MYH15: variants seen among roughly 807,000 people sequenced by gnomAD.
The protein encoded by MYH15 is myosin-15.
Under a neutral mutation model 240.5 loss-of-function variants are expected in MYH15, and 227 were observed. That is an observed-to-expected ratio of 0.94 (90% CI 0.85 to 1.05). MYH15 has a LOEUF of 1.05. MYH15 is among the 50% of genes least tolerant of loss of function. The probability of loss-of-function intolerance (pLI) is 0.00; values close to 1 mark genes in which losing one functional copy is unlikely to be tolerated. For synonymous variants in MYH15, 785 were observed against 796.7 expected, an observed-to-expected ratio of 0.99 and a Z score of 0.25; for missense variants, 2,217 against 2,247.5, an observed-to-expected ratio of 0.99 and a Z score of 0.27.
At chr3:108,492,872 C>T (rs527549880) in intron 8 of MYH15, among the ~76,000 whole-genome samples, 169 of 152,014 alleles carry the variant, frequency 1.1e-3, no homozygotes, top group Middle Eastern at 0.01. Context: ...ATTGCTTGAT[C>T]CCAGGAATTC....
intron 27 of MYH15, among the ~76,000 whole-genome samples, chr3:108,427,949 C>A (rs1217627976): frequency 1.3e-5 from 2 of 152,174 alleles, no homozygotes. Context: ...TCATAGTAAC[C>A]ATTTGACATG....
At chr3:108,547,626 AAAGT>A in the MYH15 span, among the ~76,000 whole-genome samples, 2 of 152,198 alleles carry the variant, frequency 1.3e-5, no homozygotes, top group African/African-American at 4.8e-5. Flanking sequence ...ATATGCAAAA[AAAGT>A]AAATGCTGTA....
intron 14 of MYH15, 98 bp downstream of exon 14, chr3:108,469,944 C>T (rs1042120690): frequency 9.9e-6 from 12 of 1,214,228 alleles, no homozygotes; most frequent in Admixed American, 3.0e-5. Flanking sequence ...CCCCATTTCC[C>T]ATCCTCTGAT....
At chr3:108,486,768 G>A (rs181183080) in intron 9 of MYH15, among the ~76,000 whole-genome samples, 168 of 152,154 alleles carry the variant, frequency 1.1e-3, no homozygotes, top group African/African-American at 3.7e-3. Flanking sequence ...GGATTCAATT[G>A]CAGCAGTTTC....
intron 27 of MYH15, among the ~76,000 whole-genome samples, chr3:108,421,969 A>G (rs895672607): frequency 2.2e-4 from 33 of 152,300 alleles, no homozygotes; most frequent in Admixed American, 2.2e-3. Context: ...TAACCAGTCT[A>G]ATCGCCAGAC....
At chr3:108,522,225 A>T (rs2083625125) in intron 1 of MYH15, among the ~76,000 whole-genome samples, 1 of 152,038 alleles carries the variant, frequency 6.6e-6, no homozygotes. Context: ...CAACAACAAC[A>T]AAAAAATCCC....
chr3:108,429,125 G>A (rs917104496), intron 26 of MYH15, among the ~76,000 whole-genome samples: 1 of 151,958 alleles, frequency 6.6e-6, no homozygotes, highest in Non-Finnish European at 1.5e-5. Flanking sequence ...ATAGATGGAG[G>A]GGAAAGCTTA....
At chr3:108,501,880 A>T (rs753797222) in intron 2 of MYH15, 25 bp from the exon 3 acceptor site, 1 of 1,609,110 alleles carries the variant, frequency 6.2e-7, no homozygotes, top group Non-Finnish European at 8.5e-7. Context: ...AAAATATATG[A>T]TATATTCCCC....
At chr3:108,466,062 T>C (rs768849086) in intron 14 of MYH15, among the ~76,000 whole-genome samples, 1 of 152,216 alleles carries the variant, frequency 6.6e-6, no homozygotes, top group Non-Finnish European at 1.5e-5. Context: ...GAAAGCAGCA[T>C]GCAACAACAT....
intron 35 of MYH15, among the ~76,000 whole-genome samples, chr3:108,397,738 G>A (rs1020358251): frequency 2.6e-5 from 4 of 152,154 alleles, no homozygotes; most frequent in South Asian, 2.1e-4. Flanking sequence ...GAGTCCAGAC[G>A]GTGTATCATA....
chr3:108,400,717 G>A (rs1012235299), intron 33 of MYH15, among the ~76,000 whole-genome samples: 9 of 152,152 alleles, frequency 5.9e-5, no homozygotes, highest in African/African-American at 1.4e-4. Context: ...GCTGAGGCAG[G>A]AGAATCACTT....
the MYH15 span, among the ~76,000 whole-genome samples, chr3:108,544,314 T>C: frequency 6.6e-6 from 1 of 152,178 alleles, no homozygotes; most frequent in Non-Finnish European, 1.5e-5. Context: ...CTATCGTTTG[T>C]AGAATGGGAA....
chr3:108,531,245 G>C (rs1449653404), upstream of MYH15, among the ~76,000 whole-genome samples: 1 of 152,192 alleles, frequency 6.6e-6, no homozygotes, highest in Admixed American at 6.5e-5. Flanking sequence ...TAAAATTAAT[G>C]TGTATGATAA....
intron 27 of MYH15, among the ~76,000 whole-genome samples, chr3:108,421,637 C>T (rs1391433030): frequency 2.0e-5 from 3 of 152,100 alleles, no homozygotes; most frequent in Non-Finnish European, 4.4e-5. Context: ...AGAATAGTGC[C>T]TGGCACATAG....
intron 21 of MYH15, among the ~76,000 whole-genome samples, chr3:108,453,408 C>G (rs1438681379): frequency 6.6e-6 from 1 of 152,204 alleles, no homozygotes; most frequent in Non-Finnish European, 1.5e-5. Context: ...AAAGTAAATA[C>G]AACTTCAGCA....
chr3:108,501,756 C>T lies in MYH15; in HGVS notation c.295G>A (p.Val99Met), dbSNP rs200749942. Residue 99 changes from valine (V) to methionine (M), a missense_variant, in exon 3 of 41, where the codon GTG (valine) becomes ATG (methionine). Transcript: ENST00000693548. Reference sequence around the variant, plus strand: ...TAGCGCCGCTTCAGGGTATGCAGCACGGATGCCTCATTGAGGTGAGTCAGC... The same window carrying T: ...TAGCGCCGCTTCAGGGTATGCAGCATGGATGCCTCATTGAGGTGAGTCAGC... ...AMLTHLNEAS[V>M]LHTLKRRYGQ... 263 of 1,614,080 alleles carry T rather than the reference C, an allele frequency of 1.6e-4. No homozygotes were observed. Among genetic ancestry groups the T allele is most frequent in the Non-Finnish European group, 2.1e-4 (246 of 1,179,974 alleles).
intron 22 of MYH15, among the ~76,000 whole-genome samples, chr3:108,443,844 G>A (rs997664878): frequency 8.2e-5 from 12 of 146,488 alleles, no homozygotes; most frequent in African/African-American, 3.1e-4. Context: ...ATATCTGAGA[G>A]TGGAGTCTAG....
intron 40 of MYH15, among the ~76,000 whole-genome samples, chr3:108,382,019 A>G (rs1337498818): frequency 6.6e-6 from 1 of 152,218 alleles, no homozygotes; most frequent in Non-Finnish European, 1.5e-5. Context: ...TCTCAAAAGC[A>G]ATTTCTACTT....
At chr3:108,529,241 C>T (rs1304120918) in intron 1 of MYH15, 2 of 1,598,166 alleles carry the variant, frequency 1.3e-6, no homozygotes, top group Non-Finnish European at 8.6e-7. Context: ...CAAATTAAAA[C>T]ATATGTTGGG....
Sources: allele counts gnomAD v4.1 joint callset (sites outside exome capture counted in the v4.1 genomes callset), GRCh38; gene constraint gnomAD v4.1.1; transcripts MANE v1.5; gene names NCBI Gene and HGNC (gene_info 2026-07-23, HGNC 2026-07-21).